ZFP90: variants seen among roughly 807,000 people sequenced by gnomAD.
ZFP90 encodes ZFP90 zinc finger protein.
In ZFP90, 38 loss-of-function variants were observed where a neutral mutation model predicts 60.8. The ratio of observed to expected loss-of-function variants is 0.62; its 90% confidence interval spans 0.48 to 0.82. The LOEUF is 0.82. ZFP90 is among the 40% of genes least tolerant of loss of function. The probability of loss-of-function intolerance (pLI) is 0.00; values close to 1 mark genes in which losing one functional copy is unlikely to be tolerated. For synonymous variants in ZFP90, 287 were observed against 264.8 expected (o/e 1.08, Z -0.82); for missense variants, 711 against 759.1 (o/e 0.94, Z 0.74).
exon 3 of ZFP90, chr16:68,575,868 C>T: frequency 2.5e-6 from 1 of 398,368 alleles, no homozygotes. Context: ...AAGAAAGAAT[C>T]CTGAGTGATG....
chr16:68,550,214 A>G (rs181038929), intron 2 of ZFP90, among the ~76,000 whole-genome samples: 2 of 152,332 alleles, frequency 1.3e-5, no homozygotes, highest in East Asian at 3.9e-4. Context: ...GAGGCATTTT[A>G]CATTCTTTCC....
At position 68,565,565 on chromosome 16, in the gene ZFP90, T is replaced by C. The variant is rs991486028; in HGVS notation, c.*867T>C. On this transcript the variant is annotated 3_prime_UTR_variant, in exon 5 of 5. Transcript: ENST00000563169. ...TTTCCCCTTTTCCCAGTTACAATTATACTTTCAGCTAACATATGCCAGTTT... is the reference window on the plus strand; with the variant it reads ...TTTCCCCTTTTCCCAGTTACAATTACACTTTCAGCTAACATATGCCAGTTT... 5 of 985,466 alleles carry C rather than the reference T, an allele frequency of 5.1e-6. No homozygotes were observed. The highest frequency in any genetic ancestry group is 6.0e-6 in the Non-Finnish European group (5 of 829,940). The allele number at this position is 985,466 out of a possible 1,614,324, so 61.0% of individuals were successfully genotyped here. A position where few individuals can be genotyped will look rare whatever the true frequency, so the allele number is the denominator to read the frequency against.
chr16:68,574,953 AAAG>A (rs897279801), intron 2 of ZFP90, among the ~76,000 whole-genome samples: 4 of 150,450 alleles, frequency 2.7e-5, no homozygotes, highest in East Asian at 2.0e-4. Context: ...GTGGAAAAAA[AAAG>A]AGACACTGTG....
chr16:68,554,123 TTG>T (rs1452702972), intron 2 of ZFP90, among the ~76,000 whole-genome samples: 1 of 58,268 alleles, frequency 1.7e-5, no homozygotes, highest in Non-Finnish European at 3.5e-5. Flanking sequence ...GTGTTTTGTT[TTG>T]TTTTTTTTTT....
In ZFP90 at chr16:68,563,606, G is replaced by C. The variant is rs771918683; in HGVS notation, c.819G>C (p.Gln273His). The C allele has an allele frequency of 3.7e-6, 6 of 1,614,066 alleles. No individual in the cohort carries two copies. The highest frequency in any genetic ancestry group is 1.3e-5 in the African/African-American group (1 of 74,938). Reference sequence around the variant, plus strand: ...GGAAGACACAGCTTACTGAGCATCAGAGAATTCACACTGGGGAGAAACCCT... The same window carrying C: ...GGAAGACACAGCTTACTGAGCATCACAGAATTCACACTGGGGAGAAACCCT... ...FLWKTQLTEHQRIHTGEKPFE... is the reference protein window; with the variant it reads ...FLWKTQLTEHHRIHTGEKPFE... Residue 273 changes from glutamine (Q) to histidine (H), a missense_variant, in exon 5 of 5, where the codon CAG becomes CAC. By Grantham distance (24) the Gln-to-His change is conservative. This residue lies in a region of ZFP90 where 146 missense variants were observed against 201.4 expected (regional missense o/e 0.73). Transcript: ENST00000563169.
chr16:68,566,119 C>T lies in ZFP90; in HGVS notation c.*1421C>T, dbSNP rs563972304. 6.1e-5 allele frequency: 53 copies of T among 867,988 alleles called. No individual in the cohort carries two copies. The African/African-American group carries it at 1.4e-3, about 22-fold the overall frequency. The allele number at this position is 867,988 out of a possible 1,614,324, so 53.8% of individuals were successfully genotyped here. A position where few individuals can be genotyped will look rare whatever the true frequency, so the allele number is the denominator to read the frequency against. Reference sequence around the variant, plus strand: ...CTGCATTCCAGCCTGAGCAACAGAGCAAGACACACACACATCAATTTATTT... The same window carrying T: ...CTGCATTCCAGCCTGAGCAACAGAGTAAGACACACACACATCAATTTATTT... On this transcript the variant is annotated 3_prime_UTR_variant, in exon 5 of 5. Coordinates refer to ENST00000563169, the MANE Select transcript of ZFP90 (RefSeq NM_001305203.2).
upstream of ZFP90, among the ~76,000 whole-genome samples, chr16:68,536,530 C>A (rs2090961604): frequency 1.3e-5 from 2 of 152,140 alleles, no homozygotes; most frequent in South Asian, 4.1e-4. Context: ...TCTGGAACGC[C>A]TAGGCTCAAG....
chr16:68,554,933 G>T (rs956623698), intron 2 of ZFP90: 7 of 152,170 alleles, frequency 4.6e-5, no homozygotes, highest in Non-Finnish European at 7.3e-5. Flanking sequence ...TGGGGAGAAG[G>T]TTTTACTTCT....
chr16:68,543,686 G>A (rs1413789474), intron 2 of ZFP90, among the ~76,000 whole-genome samples: 17 of 150,568 alleles, frequency 1.1e-4, no homozygotes, highest in East Asian at 1.9e-4. Flanking sequence ...TCAGTCTCCC[G>A]AGTAGCTGGG....
intron 4 of ZFP90, among the ~76,000 whole-genome samples, chr16:68,561,902 T>G (rs890896451): frequency 1.3e-5 from 2 of 152,206 alleles, no homozygotes; most frequent in African/African-American, 4.8e-5. Flanking sequence ...CATTTTCAAA[T>G]AGGAAAGTTG....
intron 2 of ZFP90, among the ~76,000 whole-genome samples, chr16:68,542,356 G>A (rs373247882): frequency 1.5e-4 from 23 of 152,090 alleles, no homozygotes; most frequent in African/African-American, 4.8e-4. Flanking sequence ...TTTGGGAGGC[G>A]GAGGCAAGCG....
intron 2 of ZFP90, among the ~76,000 whole-genome samples, chr16:68,547,135 C>A (rs545167729): frequency 6.6e-6 from 1 of 152,126 alleles, no homozygotes; most frequent in Admixed American, 6.6e-5. Flanking sequence ...GGTTATATAC[C>A]CAGAGAGAAA....
chr16:68,572,624 A>G (rs1339778759), intron 2 of ZFP90, among the ~76,000 whole-genome samples: 1 of 152,182 alleles, frequency 6.6e-6, no homozygotes, highest in Non-Finnish European at 1.5e-5. Flanking sequence ...TGCTCCTGGG[A>G]TGAAGCCCCT....
downstream of ZFP90, among the ~76,000 whole-genome samples, chr16:68,569,301 T>A (rs2091554989): frequency 6.6e-6 from 1 of 152,016 alleles, no homozygotes; most frequent in African/African-American, 2.4e-5. Context: ...CATGCCCAGC[T>A]ATTTTTTGTA....
chr16:68,539,628 C>T (rs1251651691), intron 1 of ZFP90, 130 bp from the exon 2 acceptor site: 4 of 699,656 alleles, frequency 5.7e-6, no homozygotes, highest in Non-Finnish European at 6.6e-6. Context: ...AGCGGCAGGC[C>T]CGGGCTGGTT....
At chr16:68,552,110 A>G (rs1319752962) in intron 2 of ZFP90, among the ~76,000 whole-genome samples, 1 of 152,116 alleles carries the variant, frequency 6.6e-6, no homozygotes, top group Non-Finnish European at 1.5e-5. Flanking sequence ...TTACATCTGG[A>G]AGAAGGATGA....
At position 68,540,964 on chromosome 16, in the gene ZFP90, A is replaced by G. The variant is rs200490524; in HGVS notation, c.33+1139A>G. 1.5e-4 allele frequency among the ~76,000 whole-genome samples: 22 copies of G among 145,958 alleles called. No individual in the cohort carries two copies. In the East Asian group the frequency reaches 3.8e-3, roughly 25 times the overall value. On this transcript the variant is annotated intron_variant, in intron 2 of 4. Transcript: ENST00000563169. The stretch of plus-strand genomic sequence containing the variant: ...TCTCTTGTCACCCAGTCTGGAGTAC[A>G]GTGACATGATCTTGGCTCACTGCAA...
In ZFP90 at chr16:68,565,771, A is replaced by G. The variant is rs61294264; in HGVS notation, c.*1073A>G. On this transcript the variant is annotated 3_prime_UTR_variant, in exon 5 of 5. Coordinates refer to ENST00000563169, the MANE Select transcript of ZFP90 (RefSeq NM_001305203.2). ...CCCATTGCCATAAATTTTGCCTTGT[A>G]CTCAGAGAAGCAACATGCACTGGCT... The G allele has an allele frequency of 2.1e-5, 21 of 985,300 alleles. No individual in the cohort carries two copies. Among genetic ancestry groups the G allele is most frequent in the Non-Finnish European group, 2.5e-5 (21 of 829,916 alleles). The allele number at this position is 985,300 out of a possible 1,614,324, so 61.0% of individuals were successfully genotyped here. A position where few individuals can be genotyped will look rare whatever the true frequency, so the allele number is the denominator to read the frequency against.
At chr16:68,575,535 C>CAAAAAA (rs34872149) in intron 2 of ZFP90, among the ~76,000 whole-genome samples, 5 of 82,384 alleles carry the variant, frequency 6.1e-5, no homozygotes, top group Non-Finnish European at 4.7e-5. Context: ...TGTGAGTATG[C>CAAAAAA]AAAAAAAAAA....
Sources: gnomAD v4.1 joint callset for allele counts (sites outside exome capture counted in the v4.1 genomes callset) on GRCh38, gnomAD v4.1.1 for gene constraint, gnomAD v4.1.1 regional missense constraint, MANE v1.5 for transcripts, NCBI Gene and HGNC (gene_info 2026-07-23, HGNC 2026-07-21) for gene names.